Variants in PCDHGA2 observed in about 807,000 individuals in gnomAD.
PCDHGA2 encodes protocadherin gamma subfamily A, 2.
In PCDHGA2, 40 loss-of-function variants were observed where a neutral mutation model predicts 59.2. That is an observed-to-expected ratio of 0.68 (90% CI 0.52 to 0.88). The LOEUF (loss-of-function observed/expected upper bound fraction) is 0.88, where lower values mean the gene tolerates loss of function less well. Among genes scored for constraint, PCDHGA2 ranks in the 40% least tolerant of loss-of-function variants. The pLI, the probability that PCDHGA2 is intolerant of heterozygous loss-of-function variation, is 0.00. For missense variants in PCDHGA2, 1,226 were observed against 1,204.0 expected (o/e 1.02, Z -0.27); for synonymous variants, 560 against 526.0 (o/e 1.06, Z -0.89).
rs754299511 is a variant in PCDHGA2 at position 141,476,353 on chromosome 5, G to A, written c.2425-18454G>A. 4 of 1,614,202 alleles carry A rather than the reference G, an allele frequency of 2.5e-6. No individual in the cohort carries two copies. Among genetic ancestry groups the A allele is most frequent in the South Asian group, 1.1e-5 (1 of 91,082 alleles). On this transcript the variant is annotated intron_variant, in intron 1 of 3. Coordinates refer to ENST00000394576, the MANE Select transcript of PCDHGA2 (RefSeq NM_018915.4). The surrounding 1 kb of genome is among the most constrained non-coding windows in gnomAD (Gnocchi z 7.6). The stretch of plus-strand genomic sequence containing the variant: ...GAGCTAGCCGAAGATTCTTTGAGGT[G>A]AACCGGGAGACCGGAGAGATGTTTG...
chr5:141,360,300 G>T, intron 1 of PCDHGA2: 1 of 1,613,978 alleles, frequency 6.2e-7, no homozygotes, highest in South Asian at 1.1e-5. Context: ...AGGATCTGGG[G>T]CTCAGCGTCC....
chr5:141,351,069 T>C (rs774201056), intron 1 of PCDHGA2: 1 of 1,614,070 alleles, frequency 6.2e-7, no homozygotes, highest in Non-Finnish European at 8.5e-7. Flanking sequence ...GATGAGGGCA[T>C]TAATGCAGAG....
intron 2 of PCDHGA2, among the ~76,000 whole-genome samples, chr5:141,503,984 C>T (rs967348519): frequency 2.0e-5 from 3 of 152,184 alleles, no homozygotes; most frequent in African/African-American, 7.2e-5. Context: ...AACCCTTCTT[C>T]TTACCTTACA....
intron 1 of PCDHGA2, chr5:141,400,083 C>T (rs1396687812): frequency 6.2e-7 from 1 of 1,614,048 alleles, no homozygotes; most frequent in Non-Finnish European, 8.5e-7. Context: ...CACTCTCCGC[C>T]ACCGCCACGC....
intron 1 of PCDHGA2, chr5:141,376,904 G>A (rs1773512555): frequency 5.3e-6 from 1 of 188,504 alleles, no homozygotes; most frequent in African/African-American, 2.4e-5. Context: ...AGCCAGGATG[G>A]TCTCGATCTC....
chr5:141,468,049 G>C (rs2099156671), intron 1 of PCDHGA2, among the ~76,000 whole-genome samples: 1 of 152,068 alleles, frequency 6.6e-6, no homozygotes, highest in African/African-American at 2.4e-5. Context: ...ACTAAGCCGG[G>C]CACAGTGGCT....
At position 141,430,917 on chromosome 5, in the gene PCDHGA2, G is replaced by A. The variant is rs2097324810; in HGVS notation, c.2425-63890G>A. ...GTGGGCGACATCTCCAGGGACCTGG[G>A]GCTGGAGCCCCGGGAGCTCGCGGAG... On this transcript the variant is annotated intron_variant, in intron 1 of 3. Coordinates refer to ENST00000394576, the MANE Select transcript of PCDHGA2 (RefSeq NM_018915.4). The A allele has an allele frequency of 1.9e-6, 3 of 1,607,956 alleles. No individual in the cohort carries two copies. The highest frequency in any genetic ancestry group is 2.5e-6 in the Non-Finnish European group (3 of 1,177,520).
intron 1 of PCDHGA2, chr5:141,383,728 G>C (rs1561598364): frequency 6.2e-7 from 1 of 1,613,878 alleles, no homozygotes; most frequent in African/African-American, 1.3e-5. Flanking sequence ...CAATGGGGAA[G>C]TGACATATTC....
At chr5:141,409,484 G>A in intron 1 of PCDHGA2, 1 of 1,613,974 alleles carries the variant, frequency 6.2e-7, no homozygotes, top group Non-Finnish European at 8.5e-7. Flanking sequence ...CACTGACAGG[G>A]GCAAGCCGCC....
chr5:141,351,189 GAT>G, intron 1 of PCDHGA2: 1 of 1,614,010 alleles, frequency 6.2e-7, no homozygotes. Context: ...GAGACAAGTA[GAT>G]ATGTGTTGAG....
At chr5:141,355,864 C>A in intron 1 of PCDHGA2, 6 of 1,612,570 alleles carry the variant, frequency 3.7e-6, no homozygotes, top group South Asian at 3.3e-5. Flanking sequence ...TGACCCGGTT[C>A]GCTCTGGCAC....
At chr5:141,445,284 C>A (rs2098462533) in intron 1 of PCDHGA2, among the ~76,000 whole-genome samples, 1 of 152,178 alleles carries the variant, frequency 6.6e-6, no homozygotes, top group African/African-American at 2.4e-5. Flanking sequence ...TGCATAAGTT[C>A]AGGCTTCCAT....
chr5:141,457,798 C>T (rs1233396158), intron 1 of PCDHGA2, among the ~76,000 whole-genome samples: 5 of 152,194 alleles, frequency 3.3e-5, no homozygotes, highest in African/African-American at 9.6e-5. Context: ...GTTATCCTCT[C>T]CTCTTGAGGT....
chr5:141,497,740 C>T (rs954595046), intron 2 of PCDHGA2, among the ~76,000 whole-genome samples: 1 of 152,054 alleles, frequency 6.6e-6, no homozygotes, highest in South Asian at 2.1e-4. Context: ...GGTTTCGCCA[C>T]GTTGGCCAGG....
chr5:141,415,759 T>TG (rs2095937522), intron 1 of PCDHGA2: 3 of 1,352,056 alleles, frequency 2.2e-6, no homozygotes, highest in Non-Finnish European at 2.9e-6. Flanking sequence ...TTTTTTTTTT[T>TG]TTTTTTTTTT....
intron 1 of PCDHGA2, chr5:141,370,212 C>T (rs1028005275): frequency 4.8e-5 from 27 of 562,604 alleles, no homozygotes; most frequent in Middle Eastern, 4.6e-4. Context: ...ATATTGGCTC[C>T]TCCCGCTGCA....
chr5:141,502,634 T>C (rs1306951640), intron 2 of PCDHGA2, among the ~76,000 whole-genome samples: 1 of 152,228 alleles, frequency 6.6e-6, no homozygotes. Flanking sequence ...CTGTGGATGA[T>C]ACTTTGAGAT....
At chr5:141,416,794 G>A (rs1002101061) in intron 1 of PCDHGA2, 1 of 152,070 alleles carries the variant, frequency 6.6e-6, no homozygotes, top group East Asian at 1.9e-4. Flanking sequence ...ACTAAATGTG[G>A]TAGTATAAAG....
chr5:141,357,032 C>T (rs754361100), intron 1 of PCDHGA2: 2 of 1,614,066 alleles, frequency 1.2e-6, no homozygotes, highest in Admixed American at 1.7e-5. Flanking sequence ...CTACTCAAGT[C>T]CAGCGAGCCG....
Sources: gnomAD v4.1 joint callset for allele counts (sites outside exome capture counted in the v4.1 genomes callset) on GRCh38, gnomAD v4.1.1 for gene constraint, Gnocchi (gnomAD v3.1) non-coding constraint, MANE v1.5 for transcripts, NCBI Gene and HGNC (gene_info 2026-07-23, HGNC 2026-07-21) for gene names.